Variants in CADM2 observed in about 807,000 individuals in gnomAD.
CADM2 encodes the protein immunoglobulin superfamily member 4D.
Under a neutral mutation model 49.8 loss-of-function variants are expected in CADM2, and 12 were observed. That is an observed-to-expected ratio of 0.24 (90% CI 0.15 to 0.39). The LOEUF (loss-of-function observed/expected upper bound fraction) is 0.39, where lower values mean the gene tolerates loss of function less well. Ranked by LOEUF, CADM2 falls within the 10% of genes least tolerant of loss-of-function variation. The probability of loss-of-function intolerance (pLI) is 1.00; values close to 1 mark genes in which losing one functional copy is unlikely to be tolerated. For synonymous variants in CADM2, 214 were observed against 175.4 expected (o/e 1.22, Z -1.74); for missense variants, 378 against 492.3 (o/e 0.77, Z 2.20).
At chr3:85,810,543 T>G (rs1261413100) in intron 3 of CADM2, among the ~76,000 whole-genome samples, 1 of 133,520 alleles carries the variant, frequency 7.5e-6, no homozygotes, top group Non-Finnish European at 1.5e-5. Flanking sequence ...TTTTTTTTTT[T>G]TTTTTTTTTT....
At chr3:85,207,706 A>G (rs1319040207) in intron 1 of CADM2, among the ~76,000 whole-genome samples, 1 of 152,202 alleles carries the variant, frequency 6.6e-6, no homozygotes, top group East Asian at 1.9e-4. Context: ...TCAGTTAAGG[A>G]CATGAATTAC....
chr3:85,078,707 G>A (rs962600827), intron 1 of CADM2, among the ~76,000 whole-genome samples: 1 of 150,462 alleles, frequency 6.6e-6, no homozygotes, highest in South Asian at 2.1e-4. Flanking sequence ...CTCTTAAAAT[G>A]AGCCTTTTAC....
chr3:85,694,685 C>A (rs1253709969), intron 1 of CADM2, among the ~76,000 whole-genome samples: 1 of 152,174 alleles, frequency 6.6e-6, no homozygotes, highest in Non-Finnish European at 1.5e-5. Flanking sequence ...ACCATCTATA[C>A]TCCAGACACA....
chr3:85,951,862 G>A (rs1723465813), intron 7 of CADM2, among the ~76,000 whole-genome samples: 1 of 150,808 alleles, frequency 6.6e-6, no homozygotes, highest in African/African-American at 2.4e-5. Flanking sequence ...CATTAGAGCT[G>A]GGAATTAACT....
chr3:85,854,879 C>A (rs910218907), intron 3 of CADM2, among the ~76,000 whole-genome samples: 17 of 152,128 alleles, frequency 1.1e-4, no homozygotes, highest in Admixed American at 1.0e-3. Flanking sequence ...TTCCATTTAA[C>A]AACCTAAATG....
intron 8 of CADM2, among the ~76,000 whole-genome samples, chr3:86,005,604 T>C (rs1414112451): frequency 6.6e-6 from 1 of 151,246 alleles, no homozygotes; most frequent in African/African-American, 2.4e-5. Flanking sequence ...ATTTATGTGG[T>C]GTATGAGATA....
intron 1 of CADM2, among the ~76,000 whole-genome samples, chr3:85,239,843 A>G (rs1243841217): frequency 6.6e-6 from 1 of 151,470 alleles, no homozygotes; most frequent in East Asian, 1.9e-4. Context: ...TTTATTAAAT[A>G]TTAATTGTAT....
At chr3:86,019,800 G>T (rs1370882771) in intron 8 of CADM2, among the ~76,000 whole-genome samples, 2 of 152,020 alleles carry the variant, frequency 1.3e-5, no homozygotes, top group East Asian at 3.9e-4. Flanking sequence ...GGGTTTTCTA[G>T]ATATACAATC....
At chr3:85,472,903 A>T (rs1025034234) in intron 1 of CADM2, among the ~76,000 whole-genome samples, 1 of 152,036 alleles carries the variant, frequency 6.6e-6, no homozygotes, top group African/African-American at 2.4e-5. Flanking sequence ...TGTTCTATTA[A>T]TATCACAATA....
intron 3 of CADM2, among the ~76,000 whole-genome samples, chr3:85,824,028 A>G (rs1289861358): frequency 6.6e-6 from 1 of 152,172 alleles, no homozygotes; most frequent in African/African-American, 2.4e-5. Flanking sequence ...ACAGTATGAG[A>G]CAGTGCTAAA....
chr3:85,976,289 T>C (rs539803907), intron 8 of CADM2, among the ~76,000 whole-genome samples: 9 of 151,698 alleles, frequency 5.9e-5, no homozygotes, highest in Admixed American at 1.3e-4. Context: ...GGCAGAGCTC[T>C]TCTCTTGAAG....
At chr3:85,715,556 G>T (rs1479908819) in intron 1 of CADM2, among the ~76,000 whole-genome samples, 1 of 152,132 alleles carries the variant, frequency 6.6e-6, no homozygotes, top group African/African-American at 2.4e-5. Context: ...TGCAGAACGT[G>T]CAGGTTTGTT....
chr3:85,275,003 G>A (rs1443851963), intron 1 of CADM2, among the ~76,000 whole-genome samples: 1 of 151,332 alleles, frequency 6.6e-6, no homozygotes, highest in Non-Finnish European at 1.5e-5. Flanking sequence ...ATGAGAAAAG[G>A]AAAAAGCCTA....
chr3:85,848,852 A>T (rs1392806403), intron 3 of CADM2, among the ~76,000 whole-genome samples: 4 of 152,210 alleles, frequency 2.6e-5, no homozygotes, highest in African/African-American at 9.6e-5. Context: ...ACTTCATTTC[A>T]TCACAAACAA....
At chr3:85,838,014 G>A (rs929349497) in intron 3 of CADM2, among the ~76,000 whole-genome samples, 1 of 151,684 alleles carries the variant, frequency 6.6e-6, no homozygotes, top group African/African-American at 2.4e-5. Flanking sequence ...TAAATCAGAC[G>A]AAATATTTGG....
At chr3:85,383,021 C>T (rs2033990847) in intron 1 of CADM2, among the ~76,000 whole-genome samples, 1 of 152,130 alleles carries the variant, frequency 6.6e-6, no homozygotes, top group Non-Finnish European at 1.5e-5. Context: ...GAGTACACTA[C>T]TGTAACAATA....
intron 1 of CADM2, among the ~76,000 whole-genome samples, chr3:85,159,601 T>A (rs2040251673): frequency 6.6e-6 from 1 of 152,200 alleles, no homozygotes; most frequent in South Asian, 2.1e-4. Context: ...AGGAAAGCCA[T>A]AATCTTGTGA....
chr3:85,078,714 T>C (rs921228850), intron 1 of CADM2, among the ~76,000 whole-genome samples: 8 of 151,782 alleles, frequency 5.3e-5, no homozygotes, highest in African/African-American at 1.9e-4. Context: ...AATGAGCCTT[T>C]TACAATCTAT....
intron 1 of CADM2, among the ~76,000 whole-genome samples, chr3:85,622,365 T>C (rs1301750527): frequency 6.6e-6 from 1 of 152,188 alleles, no homozygotes; most frequent in Non-Finnish European, 1.5e-5. Context: ...CAAATTTATC[T>C]TTCAAACTGA....
Sources: allele counts gnomAD v4.1 joint callset (sites outside exome capture counted in the v4.1 genomes callset), GRCh38; gene constraint gnomAD v4.1.1; transcripts MANE v1.5; gene names NCBI Gene and HGNC (gene_info 2026-07-23, HGNC 2026-07-21).